Variants in NOTCH2NLR observed in about 807,000 individuals in gnomAD.
The protein encoded by NOTCH2NLR is notch 2 N-terminal like R (pseudogene).
Under a neutral mutation model 35.6 loss-of-function variants are expected in NOTCH2NLR, and 33 were observed. The ratio of observed to expected loss-of-function variants is 0.93; its 90% CI spans 0.70 to 1.24. The LOEUF is 1.24. Among genes scored for constraint, NOTCH2NLR ranks in the 50% most tolerant of loss-of-function variants. The pLI is 0.00. For missense variants in NOTCH2NLR, 276 were observed against 362.2 expected (o/e 0.76, Z 1.93); for synonymous variants, 103 against 141.0 (o/e 0.73, Z 1.91).
intron 1 of NOTCH2NLR, among the ~76,000 whole-genome samples, chr1:120,734,453 G>A (rs1271988135): frequency 1.3e-5 from 1 of 75,322 alleles, no homozygotes; most frequent in African/African-American, 8.6e-5. Context: ...CAGTTAGACC[G>A]AGACTCAAAT....
At chr1:120,770,464 C>G (rs1651250365) in intron 2 of NOTCH2NLR, among the ~76,000 whole-genome samples, 1 of 113,000 alleles carries the variant, frequency 8.8e-6, no homozygotes, top group African/African-American at 5.7e-5. Flanking sequence ...CCACCACACC[C>G]AGCCGAGGAC....
chr1:120,760,107 A>G (rs1377493353), intron 1 of NOTCH2NLR, among the ~76,000 whole-genome samples: 1 of 89,516 alleles, frequency 1.1e-5, no homozygotes, highest in Non-Finnish European at 2.0e-5. Flanking sequence ...CTCCAATTCT[A>G]TCCATGTTGT....
chr1:120,724,607 G>T (rs1650795923), intron 1 of NOTCH2NLR, among the ~76,000 whole-genome samples: 1 of 119,100 alleles, frequency 8.4e-6, no homozygotes, highest in African/African-American at 4.4e-5. Flanking sequence ...GGTCGAGCGA[G>T]AGCCGACGGC....
chr1:120,793,265 T>G lies in NOTCH2NLR; in HGVS notation c.520T>G (p.Phe174Val), dbSNP rs1432156790. ...GTTCTCCTGCAAATGCCTCACAGGC[T>G]TCACAGGGCAGAAGTGTGAGACTGA... Residue 174 changes from phenylalanine to valine, a missense_variant, in exon 4 of 5, where the codon TTC (phenylalanine) becomes GTC (valine). Transcript: ENST00000624419. 1,583 of 1,402,424 alleles carry G rather than the reference T, an allele frequency of 1.1e-3. 343 individuals carry two copies. The highest frequency in any genetic ancestry group is 5.6e-3 in the Middle Eastern group (31 of 5,560). The allele number at this position is 1,402,424 out of a possible 1,614,324, so 86.9% of individuals were successfully genotyped here.
chr1:120,737,811 T>G (rs1650922084), intron 1 of NOTCH2NLR, among the ~76,000 whole-genome samples: 1 of 119,024 alleles, frequency 8.4e-6, no homozygotes, highest in Non-Finnish European at 1.7e-5. Context: ...TTTGTTTCCC[T>G]TGACAGTTTG....
chr1:120,767,944 A>G (rs1203882167), intron 2 of NOTCH2NLR, among the ~76,000 whole-genome samples: 3 of 117,888 alleles, frequency 2.5e-5, no homozygotes, highest in Non-Finnish European at 4.9e-5. Context: ...ATGTGTTTCT[A>G]TTTCTATCAA....
At chr1:120,765,933 G>T (rs1651186167) in intron 2 of NOTCH2NLR, among the ~76,000 whole-genome samples, 1 of 71,410 alleles carries the variant, frequency 1.4e-5, no homozygotes, top group East Asian at 3.2e-4. Flanking sequence ...TGAACAATGA[G>T]AACACATGGA....
At chr1:120,765,212 C>G (rs1353034487) in intron 2 of NOTCH2NLR, among the ~76,000 whole-genome samples, 1 of 113,936 alleles carries the variant, frequency 8.8e-6, no homozygotes, top group Non-Finnish European at 1.7e-5. Flanking sequence ...GGAGATACAA[C>G]TGGAGATAAT....
chr1:120,756,219 T>A lies in NOTCH2NLR; in HGVS notation c.74-7409T>A. ...CTATTTTTGGTAATAATGCAGGCAG[T>A]CATTTTAGAAAACTTTGCTTTGTTC... On this transcript the variant is annotated intron_variant, in intron 1 of 4. Transcript: ENST00000624419. Among the ~76,000 whole-genome samples, 2 of 113,248 alleles carry A rather than the reference T, an allele frequency of 1.8e-5. 1 individual carries two copies. Among genetic ancestry groups the A allele is most frequent in the Non-Finnish European group, 3.4e-5 (2 of 59,602 alleles). The allele number at this position is 113,248 out of a possible 152,430, so 74.3% of individuals were successfully genotyped here.
At position 120,793,744 on chromosome 1, in the gene NOTCH2NLR, T is replaced by A; in HGVS notation, c.752-3T>A. On this transcript the variant is annotated splice_region_variant and splice_polypyrimidine_tract_variant and intron_variant, in intron 4 of 4. Transcript: ENST00000624419. The stretch of plus-strand genomic sequence containing the variant: ...AGAAAATTGTTTATTGTCCCTTTTG[T>A]AGAAACAGTGAGAAATAAGAGGAAC... 5 of 780,688 alleles carry A rather than the reference T, an allele frequency of 6.4e-6. 1 individual carries two copies. The highest frequency in any genetic ancestry group is 1.0e-5 in the Non-Finnish European group (5 of 482,112). The allele number at this position is 780,688 out of a possible 1,614,324, so 48.4% of individuals were successfully genotyped here. A position where few individuals can be genotyped will look rare whatever the true frequency, so the allele number is the denominator to read the frequency against.
At chr1:120,779,697 G>T (rs1303469202) in intron 2 of NOTCH2NLR, among the ~76,000 whole-genome samples, 35 of 116,964 alleles carry the variant, frequency 3.0e-4, no homozygotes, top group African/African-American at 7.5e-4. Flanking sequence ...TATGTAAGGG[G>T]TGTTGGGTGT....
chr1:120,788,355 G>T (rs1360555530), intron 3 of NOTCH2NLR, among the ~76,000 whole-genome samples: 1 of 83,914 alleles, frequency 1.2e-5, no homozygotes, highest in East Asian at 2.6e-4. Context: ...TAATGGAATT[G>T]TTGTTGTGTC....
At chr1:120,765,206 A>G (rs1283071434) in intron 2 of NOTCH2NLR, among the ~76,000 whole-genome samples, 1 of 115,726 alleles carries the variant, frequency 8.6e-6, no homozygotes, top group East Asian at 2.0e-4. Flanking sequence ...AAGAATGGAG[A>G]TACAACTGGA....
intron 1 of NOTCH2NLR, among the ~76,000 whole-genome samples, chr1:120,726,566 AC>A (rs1650816837): frequency 2.2e-5 from 2 of 90,628 alleles, no homozygotes; most frequent in Non-Finnish European, 4.1e-5. Context: ...GCTATCCAGG[AC>A]CATCCTCTTG....
intron 1 of NOTCH2NLR, among the ~76,000 whole-genome samples, chr1:120,727,354 C>G (rs1650826920): frequency 2.7e-5 from 3 of 112,890 alleles, no homozygotes; most frequent in Non-Finnish European, 5.0e-5. Context: ...ATTTCCATAA[C>G]AAATGTAACC....
In NOTCH2NLR at chr1:120,750,472, A is replaced by G. The variant is rs1651010801; in HGVS notation, c.74-13156A>G. On this transcript the variant is annotated intron_variant, in intron 1 of 4. Coordinates refer to ENST00000624419, the Ensembl canonical transcript of NOTCH2NLR. ...AAATCCCTGCCTATTAGAAGCTGAG[A>G]TGTTAATCCTAAATATATTCTGTGG... 1.9e-5 allele frequency among the ~76,000 whole-genome samples: 2 copies of G among 106,090 alleles called. 1 individual carries two copies. The highest frequency in any genetic ancestry group is 1.9e-4 in the Admixed American group (2 of 10,728). 69.6% of individuals were successfully genotyped at this position (106,090 alleles called of 152,430 possible).
chr1:120,790,536 CT>C lies in NOTCH2NLR; in HGVS notation c.416-2622del, dbSNP rs1571029796. 6.1e-4 allele frequency among the ~76,000 whole-genome samples: 13 copies of C among 21,158 alleles called. 1 individual carries two copies. The highest frequency in any genetic ancestry group is 2.8e-3 in the East Asian group (2 of 708). 13.9% of individuals were successfully genotyped at this position (21,158 alleles called of 152,430 possible). On this transcript the variant is annotated intron_variant, in intron 3 of 4. Transcript: ENST00000624419. The stretch of plus-strand genomic sequence containing the variant: ...TGATTCTTTCTTTCTTTCTCCCTCC[CT>C]TTCTTTCTTTCTTTCTTTCTTTCTT...
At position 120,793,585 on chromosome 1, in the gene NOTCH2NLR, C is replaced by T. The variant is rs1356859564; in HGVS notation, c.751+89C>T. ...TGGCTCAATTGCATTTTTTAGGAAG[C>T]GCAAGGAAAAAGGGAAGTGAGAATT... is the stretch of plus-strand genomic sequence containing the variant. On this transcript the variant is annotated intron_variant, in intron 4 of 4. Coordinates refer to ENST00000624419, the Ensembl canonical transcript of NOTCH2NLR. 2.1e-4 allele frequency: 210 copies of T among 1,014,820 alleles called. 38 individuals carry two copies. The highest frequency in any genetic ancestry group is 1.2e-3 in the South Asian group (86 of 69,318). The allele number at this position is 1,014,820 out of a possible 1,614,324, so 62.9% of individuals were successfully genotyped here.
rs1300290116 is a variant in NOTCH2NLR at position 120,737,728 on chromosome 1, A to G, written c.73+13478A>G. ...GAGACAACTCGGCAGGTCTGGTGTC[A>G]TTAGTGATTCAGAATTGGATTAGCC... On this transcript the variant is annotated intron_variant, in intron 1 of 4. Transcript: ENST00000624419. Among the ~76,000 whole-genome samples, 35 of 125,598 alleles carry G rather than the reference A, an allele frequency of 2.8e-4. 5 individuals are homozygous for G. The highest frequency in any genetic ancestry group is 3.7e-3 in the Middle Eastern group (1 of 270). The allele number at this position is 125,598 out of a possible 152,430, so 82.4% of individuals were successfully genotyped here. A position where few individuals can be genotyped will look rare whatever the true frequency, so the allele number is the denominator to read the frequency against.
Sources: allele counts gnomAD v4.1 joint callset (sites outside exome capture counted in the v4.1 genomes callset), GRCh38; gene constraint gnomAD v4.1.1; transcripts MANE v1.5; gene names NCBI Gene and HGNC (gene_info 2026-07-23, HGNC 2026-07-21).